The following FRMD6 variants were observed in gnomAD, a reference collection of about 807,000 sequenced individuals.
FRMD6 encodes FERM domain containing 6.
Under a neutral mutation model 73.2 loss-of-function variants are expected in FRMD6, and 37 were observed. That is an observed-to-expected ratio of 0.51 (90% CI 0.39 to 0.66). The LOEUF (loss-of-function observed/expected upper bound fraction) is 0.66, where lower values mean the gene tolerates loss of function less well. FRMD6 is among the 30% of genes least tolerant of loss of function. The pLI is 0.00. For synonymous variants in FRMD6, 273 were observed against 282.2 expected, an observed-to-expected ratio of 0.97 and a Z score of 0.33; for missense variants, 714 against 780.5, an observed-to-expected ratio of 0.91 and a Z score of 1.02.
At chr14:51,682,657 G>A (rs1894884430) in intron 1 of FRMD6, among the ~76,000 whole-genome samples, 1 of 152,142 alleles carries the variant, frequency 6.6e-6, no homozygotes, top group African/African-American at 2.4e-5. Context: ...CTGTGATGAT[G>A]TCCTTCTCAG....
intron 1 of FRMD6, among the ~76,000 whole-genome samples, chr14:51,557,745 C>T (rs1168423594): frequency 2.0e-5 from 3 of 151,982 alleles, no homozygotes; most frequent in African/African-American, 7.3e-5. Flanking sequence ...CCAGTGTATT[C>T]GTATATCAAA....
intron 2 of FRMD6, among the ~76,000 whole-genome samples, chr14:51,620,765 TC>T (rs1204480704): frequency 6.6e-6 from 1 of 152,104 alleles, no homozygotes; most frequent in East Asian, 1.9e-4. Flanking sequence ...CCACTGACAC[TC>T]CTATGGGCCT....
At chr14:51,686,744 A>G (rs1219186987) in intron 1 of FRMD6, among the ~76,000 whole-genome samples, 1 of 152,120 alleles carries the variant, frequency 6.6e-6, no homozygotes. Context: ...CTGAGTTGAG[A>G]TTTAGTTTAG....
the FRMD6 span, among the ~76,000 whole-genome samples, chr14:51,469,618 G>GAAAAAAAAAAAAA: frequency 3.1e-5 from 3 of 96,768 alleles, no homozygotes; most frequent in Non-Finnish European, 4.2e-5. Flanking sequence ...ATTTCAAAAA[G>GAAAAAAAAAAAAA]AAAAAAAAAA....
the FRMD6 span, among the ~76,000 whole-genome samples, chr14:51,432,431 G>A: frequency 0.37 from 56,210 of 151,906 alleles, 10,804 homozygotes; most frequent in Non-Finnish European, 0.41. Flanking sequence ...GGAATTCACA[G>A]TGGTCTGGAA....
the FRMD6 span, among the ~76,000 whole-genome samples, chr14:51,447,252 T>C: frequency 1.4e-4 from 22 of 152,212 alleles, no homozygotes; most frequent in African/African-American, 5.3e-4. Context: ...AAATGGTGTT[T>C]GACCTTCTCA....
intron 1 of FRMD6, among the ~76,000 whole-genome samples, chr14:51,507,408 C>G (rs1315847320): frequency 6.6e-6 from 1 of 151,952 alleles, no homozygotes; most frequent in Non-Finnish European, 1.5e-5. Flanking sequence ...GAGTCCCATG[C>G]CTTTTCTGTT....
At chr14:51,723,661 G>A (rs1288717581) in intron 12 of FRMD6, among the ~76,000 whole-genome samples, 2 of 151,438 alleles carry the variant, frequency 1.3e-5, no homozygotes, top group Non-Finnish European at 2.9e-5. Context: ...TGTAATCCCA[G>A]CTACATGGGT....
upstream of FRMD6, among the ~76,000 whole-genome samples, chr14:51,487,009 A>G (rs1306996670): frequency 1.3e-5 from 2 of 152,000 alleles, no homozygotes; most frequent in African/African-American, 4.8e-5. Flanking sequence ...TTACCTGGGA[A>G]CTTGTTGGAA....
intron 1 of FRMD6, among the ~76,000 whole-genome samples, chr14:51,669,275 T>G (rs1318423011): frequency 1.3e-5 from 2 of 152,230 alleles, no homozygotes; most frequent in Non-Finnish European, 2.9e-5. Context: ...CACAATTTGT[T>G]TATTCATTTA....
chr14:51,494,563 C>A (rs537451686), intron 1 of FRMD6, among the ~76,000 whole-genome samples: 1 of 152,346 alleles, frequency 6.6e-6, no homozygotes, highest in African/African-American at 2.4e-5. Flanking sequence ...ATTTGTCGGG[C>A]AAAGCCCATG....
intron 1 of FRMD6, among the ~76,000 whole-genome samples, chr14:51,515,537 C>A (rs949518676): frequency 6.6e-6 from 1 of 152,218 alleles, no homozygotes; most frequent in Non-Finnish European, 1.5e-5. Context: ...GACACAGTAT[C>A]TTGGTGTGGC....
At chr14:51,620,930 T>C (rs1467885657) in intron 2 of FRMD6, among the ~76,000 whole-genome samples, 2 of 152,306 alleles carry the variant, frequency 1.3e-5, no homozygotes, top group Middle Eastern at 3.4e-3. Context: ...CCAGAGACAG[T>C]TCTCAAGTAG....
intron 2 of FRMD6, among the ~76,000 whole-genome samples, chr14:51,632,374 G>A (rs1342060846): frequency 1.3e-5 from 2 of 152,096 alleles, no homozygotes; most frequent in African/African-American, 2.4e-5. Flanking sequence ...AATAAAATAC[G>A]CTTAGGAAAC....
At chr14:51,566,675 G>A (rs1034557409) in intron 1 of FRMD6, among the ~76,000 whole-genome samples, 18 of 152,220 alleles carry the variant, frequency 1.2e-4, no homozygotes, top group East Asian at 7.7e-4. Flanking sequence ...CAATGTATCC[G>A]GTTGGTGCGA....
chr14:51,509,617 G>A (rs1450735408), intron 1 of FRMD6, among the ~76,000 whole-genome samples: 2 of 152,106 alleles, frequency 1.3e-5, no homozygotes, highest in African/African-American at 2.4e-5. Flanking sequence ...GCACATATAT[G>A]TATATACTTT....
At chr14:51,519,118 C>T (rs1350814683) in intron 1 of FRMD6, among the ~76,000 whole-genome samples, 2 of 152,090 alleles carry the variant, frequency 1.3e-5, no homozygotes, top group Non-Finnish European at 1.5e-5. Context: ...TAACACAGTG[C>T]TTGGGATGTT....
the FRMD6 span, among the ~76,000 whole-genome samples, chr14:51,471,887 T>C: frequency 1.3e-5 from 2 of 152,120 alleles, no homozygotes; most frequent in African/African-American, 2.4e-5. Context: ...TATTTTCCCA[T>C]TTTATGCCCT....
chr14:51,671,231 G>A (rs760920743), intron 1 of FRMD6, among the ~76,000 whole-genome samples: 11 of 152,164 alleles, frequency 7.2e-5, no homozygotes, highest in Non-Finnish European at 1.5e-4. Context: ...ATGTCACCTA[G>A]TTTGGGAAAT....
Sources: gnomAD v4.1 joint callset for allele counts (sites outside exome capture counted in the v4.1 genomes callset) on GRCh38, gnomAD v4.1.1 for gene constraint, MANE v1.5 for transcripts, NCBI Gene and HGNC (gene_info 2026-07-23, HGNC 2026-07-21) for gene names.